Variants in KITLG observed in about 807,000 individuals in gnomAD.
The protein encoded by KITLG is KIT ligand.
A neutral mutation model predicts 34.1 loss-of-function variants in KITLG; 13 were observed. The observed-to-expected ratio is 0.38, with a 90% CI of 0.25 to 0.61. The LOEUF (loss-of-function observed/expected upper bound fraction) is 0.61, where lower values mean the gene tolerates loss of function less well. Among genes scored for constraint, KITLG ranks in the 20% least tolerant of loss-of-function variants. KITLG has a pLI of 0.60. For missense variants in KITLG, 292 were observed against 318.9 expected, an observed-to-expected ratio of 0.92 and a Z score of 0.64; for synonymous variants, 110 against 104.0, an observed-to-expected ratio of 1.06 and a Z score of -0.35.
intron 1 of KITLG, among the ~76,000 whole-genome samples, chr12:88,560,906 T>G (rs1457939359): frequency 1.4e-5 from 2 of 141,586 alleles, no homozygotes; most frequent in East Asian, 4.2e-4. Context: ...AGGCGGAGGT[T>G]GCGGTGAGCC....
intron 9 of KITLG, among the ~76,000 whole-genome samples, chr12:88,499,411 C>A (rs547569436): frequency 1.3e-5 from 2 of 152,128 alleles, no homozygotes; most frequent in Non-Finnish European, 2.9e-5. Flanking sequence ...TCAGATATAC[C>A]AAAATTTTGT....
chr12:88,498,291 G>A (rs900392082), intron 9 of KITLG, among the ~76,000 whole-genome samples: 2 of 152,014 alleles, frequency 1.3e-5, no homozygotes, highest in Non-Finnish European at 2.9e-5. Context: ...ATTCCATAGT[G>A]TAATAAGAAT....
intron 9 of KITLG, among the ~76,000 whole-genome samples, chr12:88,498,756 T>C (rs1030803829): frequency 2.0e-5 from 3 of 152,056 alleles, no homozygotes; most frequent in Non-Finnish European, 4.4e-5. Context: ...ACATCTGTAG[T>C]CCCAGCTACT....
intron 1 of KITLG, among the ~76,000 whole-genome samples, chr12:88,565,237 A>G (rs1464116792): frequency 6.6e-6 from 1 of 152,224 alleles, no homozygotes; most frequent in Non-Finnish European, 1.5e-5. Context: ...ACAAATTGTT[A>G]ACAGAATTTT....
intron 1 of KITLG, among the ~76,000 whole-genome samples, chr12:88,577,028 T>C (rs1033664845): frequency 3.9e-5 from 6 of 152,194 alleles, no homozygotes; most frequent in African/African-American, 1.4e-4. Context: ...TTAAATGTAA[T>C]CAACTTAGCA....
chr12:88,509,227 A>G (rs1460895122), intron 6 of KITLG, among the ~76,000 whole-genome samples: 1 of 152,204 alleles, frequency 6.6e-6, no homozygotes, highest in Non-Finnish European at 1.5e-5. Flanking sequence ...ACGTTGGGTC[A>G]GCCAGATGCC....
At chr12:88,500,974 C>G (rs191639576) in intron 9 of KITLG, among the ~76,000 whole-genome samples, 1 of 152,078 alleles carries the variant, frequency 6.6e-6, no homozygotes, top group East Asian at 1.9e-4. Flanking sequence ...GAGATGGGGT[C>G]TTCCTATGTT....
At chr12:88,533,229 A>T (rs906784037) in intron 2 of KITLG, among the ~76,000 whole-genome samples, 1 of 152,222 alleles carries the variant, frequency 6.6e-6, no homozygotes, top group Non-Finnish European at 1.5e-5. Context: ...TGACTTACTT[A>T]CATCAGTCAT....
chr12:88,580,187 G>C (rs972022517), intron 1 of KITLG, 77 bp downstream of exon 1: 26 of 1,474,130 alleles, frequency 1.8e-5, no homozygotes, highest in Non-Finnish European at 2.3e-5. Flanking sequence ...CAAGTCCCAG[G>C]GAGCGCCGGC....
At chr12:88,566,265 T>C (rs1485529869) in intron 1 of KITLG, among the ~76,000 whole-genome samples, 1 of 152,196 alleles carries the variant, frequency 6.6e-6, no homozygotes, top group Non-Finnish European at 1.5e-5. Flanking sequence ...GATCCATTCT[T>C]AGAATGCTGA....
chr12:88,542,603 A>G (rs373766272), intron 2 of KITLG, among the ~76,000 whole-genome samples: 56 of 152,044 alleles, frequency 3.7e-4, no homozygotes, highest in African/African-American at 1.3e-3. Context: ...GGATAGGAAC[A>G]CTCCACTTCT....
chr12:88,520,790 G>A (rs533360022), intron 3 of KITLG, among the ~76,000 whole-genome samples: 2 of 152,038 alleles, frequency 1.3e-5, no homozygotes, highest in East Asian at 1.9e-4. Flanking sequence ...ATTTTCAACC[G>A]AACTCTATGT....
chr12:88,501,403 T>C (rs997579687), intron 9 of KITLG, among the ~76,000 whole-genome samples: 3 of 152,196 alleles, frequency 2.0e-5, no homozygotes, highest in Admixed American at 1.3e-4. Flanking sequence ...AAATGTATAA[T>C]TGCAACTCCA....
At chr12:88,554,637 C>T (rs1245588083) in intron 1 of KITLG, among the ~76,000 whole-genome samples, 2 of 152,194 alleles carry the variant, frequency 1.3e-5, no homozygotes, top group Non-Finnish European at 2.9e-5. Flanking sequence ...GTCTTCTTAA[C>T]TCATATGAAC....
At chr12:88,503,026 C>T (rs1868923425) in intron 9 of KITLG, among the ~76,000 whole-genome samples, 1 of 152,022 alleles carries the variant, frequency 6.6e-6, no homozygotes, top group Non-Finnish European at 1.5e-5. Flanking sequence ...AAGTGTCAAG[C>T]AAACGGTCTA....
At chr12:88,547,198 A>C (rs1156697164) in intron 1 of KITLG, among the ~76,000 whole-genome samples, 1 of 152,254 alleles carries the variant, frequency 6.6e-6, no homozygotes, top group Non-Finnish European at 1.5e-5. Flanking sequence ...ATAGCTAGCC[A>C]TATTAAAAAG....
chr12:88,523,852 G>C (rs556795066), intron 3 of KITLG, among the ~76,000 whole-genome samples: 1 of 152,140 alleles, frequency 6.6e-6, no homozygotes, highest in African/African-American at 2.4e-5. Context: ...TTCACTTTAG[G>C]CATCTAACTT....
At chr12:88,542,656 A>G (rs1029885907) in intron 2 of KITLG, among the ~76,000 whole-genome samples, 1 of 152,046 alleles carries the variant, frequency 6.6e-6, no homozygotes, top group Admixed American at 6.6e-5. Flanking sequence ...ACACACACAC[A>G]CACACTCTAT....
chr12:88,576,266 A>G (rs1009952969), intron 1 of KITLG, among the ~76,000 whole-genome samples: 1 of 152,178 alleles, frequency 6.6e-6, no homozygotes, highest in Non-Finnish European at 1.5e-5. Flanking sequence ...GTCTTCACAT[A>G]TTCCTGGATT....
Sources: allele counts gnomAD v4.1 joint callset (sites outside exome capture counted in the v4.1 genomes callset), GRCh38; gene constraint gnomAD v4.1.1; transcripts MANE v1.5; gene names NCBI Gene and HGNC (gene_info 2026-07-23, HGNC 2026-07-21).